The following FMN1 variants were observed in gnomAD, a reference collection of about 807,000 sequenced individuals.
FMN1 encodes formin-1.
In FMN1, 110 loss-of-function variants were observed where a neutral mutation model predicts 132.4. The ratio of observed to expected loss-of-function variants is 0.83; its 90% CI spans 0.71 to 0.97. The LOEUF is 0.97. FMN1 is among the 50% of genes least tolerant of loss of function. The probability of loss-of-function intolerance (pLI) is 0.00; values close to 1 mark genes in which losing one functional copy is unlikely to be tolerated. For missense variants in FMN1, 1,792 were observed against 1,705.3 expected, an observed-to-expected ratio of 1.05 and a Z score of -0.90; for synonymous variants, 722 against 651.7, an observed-to-expected ratio of 1.11 and a Z score of -1.64.
At chr15:33,075,360 C>A (rs1466369108) in intron 5 of FMN1, among the ~76,000 whole-genome samples, 2 of 152,120 alleles carry the variant, frequency 1.3e-5, no homozygotes. Context: ...ACAGCCCAAG[C>A]AGGAAGTTTT....
chr15:32,940,828 A>C (rs764605065), intron 9 of FMN1, among the ~76,000 whole-genome samples: 5 of 152,170 alleles, frequency 3.3e-5, no homozygotes, highest in Non-Finnish European at 5.9e-5. Flanking sequence ...CTTCATGGCC[A>C]CTAGGGTAAA....
chr15:32,789,114 C>T (rs58590974), intron 19 of FMN1, among the ~76,000 whole-genome samples: 12,849 of 152,176 alleles, frequency 0.084, 1,354 homozygotes, highest in African/African-American at 0.23. Context: ...TCAACAAATA[C>T]TAACTCAGCA....
chr15:33,093,933 A>G (rs1195019211), intron 4 of FMN1, among the ~76,000 whole-genome samples: 4 of 152,252 alleles, frequency 2.6e-5, no homozygotes, highest in African/African-American at 7.2e-5. Context: ...CCCCACCTAC[A>G]TGCTCATTTT....
intron 6 of FMN1, among the ~76,000 whole-genome samples, chr15:33,022,303 G>C (rs987425933): frequency 2.2e-4 from 34 of 152,130 alleles, no homozygotes; most frequent in African/African-American, 8.0e-4. Context: ...ACTGAAACTC[G>C]AAGTTTGCTA....
intron 17 of FMN1, among the ~76,000 whole-genome samples, chr15:32,829,852 T>C (rs527471903): frequency 6.6e-6 from 1 of 152,172 alleles, no homozygotes; most frequent in East Asian, 1.9e-4. Flanking sequence ...GAGACCTCAG[T>C]AGTGGGAAGG....
At chr15:32,963,411 G>GTGC (rs1159342086) in intron 9 of FMN1, among the ~76,000 whole-genome samples, 2 of 151,714 alleles carry the variant, frequency 1.3e-5, no homozygotes, top group Non-Finnish European at 2.9e-5. Context: ...CGCGTTAGTG[G>GTGC]GTGCAGCGCA....
chr15:33,117,431 A>G (rs1293479759), intron 4 of FMN1, among the ~76,000 whole-genome samples: 7 of 152,220 alleles, frequency 4.6e-5, no homozygotes, highest in Non-Finnish European at 8.8e-5. Flanking sequence ...TTGACAAGGT[A>G]GCATTCATTT....
chr15:33,045,392 T>G (rs1300141554), intron 6 of FMN1, among the ~76,000 whole-genome samples: 2 of 152,278 alleles, frequency 1.3e-5, no homozygotes, highest in African/African-American at 4.8e-5. Context: ...AGAGCAAAAC[T>G]CAGGCAAAAG....
chr15:33,110,637 CT>C (rs2039665361), intron 4 of FMN1, among the ~76,000 whole-genome samples: 2 of 151,538 alleles, frequency 1.3e-5, no homozygotes. Flanking sequence ...CACATTGACG[CT>C]TCTTTTTCTT....
intron 17 of FMN1, among the ~76,000 whole-genome samples, chr15:32,843,458 G>A (rs776598877): frequency 2.6e-5 from 4 of 152,192 alleles, no homozygotes; most frequent in Non-Finnish European, 5.9e-5. Flanking sequence ...TATTATGTTA[G>A]CAATTAGGCT....
At chr15:32,892,528 T>C (rs1295095650) in intron 15 of FMN1, among the ~76,000 whole-genome samples, 3 of 152,170 alleles carry the variant, frequency 2.0e-5, no homozygotes, top group Non-Finnish European at 4.4e-5. Context: ...TCGTTTTTGG[T>C]TATGTCCTTT....
At chr15:33,005,484 T>C (rs2034367881) in intron 7 of FMN1, among the ~76,000 whole-genome samples, 1 of 152,230 alleles carries the variant, frequency 6.6e-6, no homozygotes, top group African/African-American at 2.4e-5. Flanking sequence ...ATACTTTCCT[T>C]CTTCCATATA....
intron 17 of FMN1, chr15:32,810,899 G>A (rs995685553): frequency 1.8e-5 from 8 of 453,334 alleles, no homozygotes; most frequent in Non-Finnish European, 3.6e-5. Context: ...GCACAGTTAA[G>A]AAGTTGTTTT....
At chr15:33,044,715 C>T (rs2036597897) in intron 6 of FMN1, among the ~76,000 whole-genome samples, 1 of 152,130 alleles carries the variant, frequency 6.6e-6, no homozygotes, top group East Asian at 1.9e-4. Context: ...GATGAGATGA[C>T]CAGCTGCAGG....
At chr15:33,081,207 TAC>T (rs1395969780) in intron 5 of FMN1, among the ~76,000 whole-genome samples, 4 of 152,206 alleles carry the variant, frequency 2.6e-5, no homozygotes, top group African/African-American at 7.2e-5. Context: ...TGGTTTACAG[TAC>T]AGTCACTCTT....
chr15:32,874,878 T>C (rs145838238), intron 16 of FMN1, among the ~76,000 whole-genome samples: 47 of 152,316 alleles, frequency 3.1e-4, no homozygotes, highest in African/African-American at 1.1e-3. Context: ...GATGACACTT[T>C]TTAAAGACCA....
At chr15:32,902,177 C>G (rs1185646059) in intron 12 of FMN1, 137 bp from the exon 13 acceptor site, 2 of 712,372 alleles carry the variant, frequency 2.8e-6, no homozygotes, top group East Asian at 2.8e-5. Flanking sequence ...CATAGGTAGA[C>G]TCAAGGAATT....
intron 6 of FMN1, chr15:33,013,202 G>A (rs2034832792): frequency 9.3e-6 from 3 of 323,558 alleles, no homozygotes; most frequent in Non-Finnish European, 1.8e-5. Flanking sequence ...AAGAAGACAT[G>A]TTTTATACAA....
At chr15:33,180,963 C>T (rs535469512) in intron 2 of FMN1, among the ~76,000 whole-genome samples, 1 of 152,210 alleles carries the variant, frequency 6.6e-6, no homozygotes, top group South Asian at 2.1e-4. Context: ...GTTGTCCAGG[C>T]TTGTCTTGAA....
Sources: gnomAD v4.1 joint callset for allele counts (sites outside exome capture counted in the v4.1 genomes callset) on GRCh38, gnomAD v4.1.1 for gene constraint, MANE v1.5 for transcripts, NCBI Gene and HGNC (gene_info 2026-07-23, HGNC 2026-07-21) for gene names.